SATB2: variants seen among roughly 807,000 people sequenced by gnomAD.
The protein encoded by SATB2 is SATB homeobox 2, also known as DNA-binding protein SATB2.
SATB2 carries 1 observed loss-of-function variant against 73.4 expected under a neutral mutation model. The ratio of observed to expected loss-of-function variants is 0.01; its 90% CI spans 0.00 to 0.06. SATB2 has a LOEUF of 0.06. SATB2 is among the 10% of genes least tolerant of loss of function. The pLI is 1.00. For synonymous variants in SATB2, 397 were observed against 367.0 expected, an observed-to-expected ratio of 1.08 and a Z score of -0.93; for missense variants, 459 against 945.8, an observed-to-expected ratio of 0.49 and a Z score of 6.75.
At chr2:199,430,747 A>G (rs1476762221) in intron 3 of SATB2, among the ~76,000 whole-genome samples, 1 of 152,212 alleles carries the variant, frequency 6.6e-6, no homozygotes, top group South Asian at 2.1e-4. Flanking sequence ...TGACTATCCT[A>G]TGTTCACAAG....
chr2:199,409,056 T>C (rs1416151371), intron 3 of SATB2, among the ~76,000 whole-genome samples: 4 of 152,164 alleles, frequency 2.6e-5, no homozygotes, highest in Non-Finnish European at 5.9e-5. Context: ...TTAATGGTGA[T>C]CTATACTTCA....
chr2:199,367,295 G>A (rs891349996), intron 6 of SATB2, among the ~76,000 whole-genome samples: 32 of 152,206 alleles, frequency 2.1e-4, no homozygotes, highest in East Asian at 3.9e-4. Flanking sequence ...AGGATCTAAC[G>A]GGTCCTAAGA....
At chr2:199,402,653 T>G (rs1272281658) in intron 3 of SATB2, among the ~76,000 whole-genome samples, 1 of 152,218 alleles carries the variant, frequency 6.6e-6, no homozygotes, top group Non-Finnish European at 1.5e-5. Flanking sequence ...GTTTCAAAGG[T>G]ACTAATAATG....
At chr2:199,310,099 G>A (rs999742978) in intron 9 of SATB2, among the ~76,000 whole-genome samples, 11 of 152,084 alleles carry the variant, frequency 7.2e-5, no homozygotes, top group South Asian at 6.2e-4. Flanking sequence ...CCTCTTCCTC[G>A]CGGCCTCCAT....
chr2:199,435,200 A>T (rs1013939771), intron 2 of SATB2, among the ~76,000 whole-genome samples: 3 of 152,162 alleles, frequency 2.0e-5, no homozygotes, highest in Non-Finnish European at 4.4e-5. Flanking sequence ...TTTTTTAGAC[A>T]AAGAAGAAGA....
chr2:199,309,703 T>C (rs1249492790), intron 9 of SATB2, among the ~76,000 whole-genome samples: 1 of 152,220 alleles, frequency 6.6e-6, no homozygotes, highest in Non-Finnish European at 1.5e-5. Context: ...ATACAGAGGA[T>C]GCTGTCAACA....
intron 3 of SATB2, among the ~76,000 whole-genome samples, chr2:199,408,290 A>G (rs1338818232): frequency 1.3e-5 from 2 of 152,198 alleles, no homozygotes; most frequent in South Asian, 2.1e-4. Context: ...ATAAAACGGA[A>G]TAAGAATGTA....
chr2:199,316,361 G>C (rs1687735528), intron 9 of SATB2, among the ~76,000 whole-genome samples: 1 of 152,032 alleles, frequency 6.6e-6, no homozygotes, highest in African/African-American at 2.4e-5. Flanking sequence ...CTTGTCAAGG[G>C]CTTCAATGAA....
At chr2:199,351,514 A>G (rs1688820367) in intron 6 of SATB2, among the ~76,000 whole-genome samples, 1 of 152,138 alleles carries the variant, frequency 6.6e-6, no homozygotes, top group Admixed American at 6.5e-5. Context: ...AAATTATTTT[A>G]CTCATCTTCT....
chr2:199,361,716 G>A (rs1003192159), intron 6 of SATB2, among the ~76,000 whole-genome samples: 1 of 150,118 alleles, frequency 6.7e-6, no homozygotes, highest in African/African-American at 2.5e-5. Context: ...ATTTTTCATT[G>A]TTACAACAAA....
At chr2:199,342,069 C>T (rs931882675) in intron 7 of SATB2, among the ~76,000 whole-genome samples, 4 of 152,148 alleles carry the variant, frequency 2.6e-5, no homozygotes, top group Admixed American at 2.6e-4. Context: ...CCAACTCTGC[C>T]AGGATGAGCA....
At chr2:199,281,188 C>T (rs1334034639) in intron 10 of SATB2, among the ~76,000 whole-genome samples, 1 of 150,972 alleles carries the variant, frequency 6.6e-6, no homozygotes, top group Non-Finnish European at 1.5e-5. Flanking sequence ...GAGCTGAGAT[C>T]ACACCACTGC....
intron 6 of SATB2, among the ~76,000 whole-genome samples, chr2:199,355,005 C>T (rs1049446910): frequency 2.0e-5 from 3 of 151,956 alleles, no homozygotes; most frequent in African/African-American, 4.8e-5. Flanking sequence ...AGGAATTTAC[C>T]TGCATTACAA....
chr2:199,409,396 C>T lies in SATB2; in HGVS notation c.346+23942G>A, dbSNP rs1014522539. ...TGTCGGTCAGGCTGGTCCCGAACTCCGGACCTCAGGTGATCCTCCCGCCTT... is the reference window on the plus strand; with the variant it reads ...TGTCGGTCAGGCTGGTCCCGAACTCTGGACCTCAGGTGATCCTCCCGCCTT... On this transcript the variant is annotated intron_variant, in intron 3 of 10. Coordinates refer to ENST00000417098, the MANE Select transcript of SATB2 (RefSeq NM_001172509.2). 9.2e-5 allele frequency among the ~76,000 whole-genome samples: 14 copies of T among 152,210 alleles called. No individual in the cohort carries two copies. The East Asian group carries it at 2.5e-3, about 27-fold the overall frequency.
At chr2:199,459,391 G>A (rs1692409238), upstream of SATB2, among the ~76,000 whole-genome samples, 1 of 152,162 alleles carries the variant, frequency 6.6e-6, no homozygotes. This position sits in a 1 kb window ranked among gnomAD's most constrained non-coding sequence, Gnocchi z 4.2. Context: ...CACTAGCCGA[G>A]CAGGCTGGCC....
intron 6 of SATB2, among the ~76,000 whole-genome samples, chr2:199,366,064 T>C (rs1006898435): frequency 2.6e-5 from 4 of 152,110 alleles, no homozygotes; most frequent in Admixed American, 1.3e-4. Flanking sequence ...CAATGTAGCC[T>C]GCATTTAGTT....
chr2:199,386,513 A>C (rs571815017), intron 3 of SATB2, among the ~76,000 whole-genome samples: 1 of 152,332 alleles, frequency 6.6e-6, no homozygotes, highest in South Asian at 2.1e-4. Flanking sequence ...AGAAGCAAGA[A>C]CAAGTTATGT....
intron 3 of SATB2, among the ~76,000 whole-genome samples, chr2:199,386,931 C>T (rs551889842): frequency 1.3e-5 from 2 of 152,248 alleles, no homozygotes; most frequent in South Asian, 4.1e-4. Context: ...GGAATAATTC[C>T]AACCCAGATA....
chr2:199,425,619 A>G (rs1429146790), intron 3 of SATB2, among the ~76,000 whole-genome samples: 1 of 152,152 alleles, frequency 6.6e-6, no homozygotes, highest in Non-Finnish European at 1.5e-5. Context: ...ATCAAGTTAG[A>G]GTCTTCACCC....
Sources: gnomAD v4.1 joint callset for allele counts (sites outside exome capture counted in the v4.1 genomes callset) on GRCh38, gnomAD v4.1.1 for gene constraint, Gnocchi (gnomAD v3.1) non-coding constraint, MANE v1.5 for transcripts, NCBI Gene and HGNC (gene_info 2026-07-23, HGNC 2026-07-21) for gene names.